The following PTBP3 variants were observed in gnomAD, a reference collection of about 807,000 sequenced individuals.
The protein encoded by PTBP3 is polypyrimidine tract-binding protein 3.
In PTBP3, 20 loss-of-function variants were observed where a neutral mutation model predicts 58.7. That is an observed-to-expected ratio of 0.34 (90% CI 0.24 to 0.50). PTBP3 has a LOEUF of 0.50. PTBP3 is among the 20% of genes least tolerant of loss of function. PTBP3 has a pLI of 0.98. For synonymous variants in PTBP3, 185 were observed against 219.8 expected, an observed-to-expected ratio of 0.84 and a Z score of 1.40; for missense variants, 509 against 637.2, an observed-to-expected ratio of 0.80 and a Z score of 2.17.
intron 1 of PTBP3, among the ~76,000 whole-genome samples, chr9:112,307,143 A>G (rs1829254652): frequency 6.6e-6 from 1 of 152,210 alleles, no homozygotes; most frequent in South Asian, 2.1e-4. Flanking sequence ...CTTATTACAC[A>G]TCAAGAACAA....
chr9:112,322,664 TTTA>T (rs1830002283), intron 1 of PTBP3, among the ~76,000 whole-genome samples: 1 of 152,188 alleles, frequency 6.6e-6, no homozygotes, highest in South Asian at 2.1e-4. Context: ...ACAAGGTGTG[TTTA>T]AACCTTTTAA....
chr9:112,319,082 A>ACC, intron 1 of PTBP3, among the ~76,000 whole-genome samples: 1 of 150,350 alleles, frequency 6.7e-6, no homozygotes, highest in East Asian at 2.0e-4. Context: ...AGCCGAGATC[A>ACC]TGCCATTGCA....
upstream of PTBP3, among the ~76,000 whole-genome samples, chr9:112,336,184 A>G (rs1830575199): frequency 6.6e-6 from 1 of 152,106 alleles, no homozygotes; most frequent in East Asian, 1.9e-4. Flanking sequence ...TCATAATTTC[A>G]TTTCATAATT....
rs73537727 is a variant in PTBP3, at chr9:112,253,581, T to C, written c.517-793A>G. 6.6e-3 allele frequency among the ~76,000 whole-genome samples: 1,008 copies of C among 152,320 alleles called. 14 individuals carry two copies. Among genetic ancestry groups the C allele is most frequent in the African/African-American group, 0.023 (948 of 41,570 alleles). On this transcript the variant is annotated intron_variant, in intron 5 of 13. Transcript: ENST00000374257. ...AACATATTTAGTTTTACTCTGTTGATATGGTTTGGCTCTGTGTCACCACCC... is the reference window on the plus strand; with the variant it reads ...AACATATTTAGTTTTACTCTGTTGACATGGTTTGGCTCTGTGTCACCACCC...
chr9:112,280,689 T>C (rs559606467), intron 2 of PTBP3, among the ~76,000 whole-genome samples: 29 of 152,290 alleles, frequency 1.9e-4, no homozygotes, highest in Middle Eastern at 3.4e-3. Flanking sequence ...GTAAGCACTT[T>C]GTAGAAACCC....
At chr9:112,346,228 C>T in the PTBP3 span, among the ~76,000 whole-genome samples, 3 of 152,034 alleles carry the variant, frequency 2.0e-5, no homozygotes, top group Admixed American at 6.6e-5. Flanking sequence ...AGTGCAGTGG[C>T]GTGATCTCAG....
chr9:112,268,452 T>C (rs539304616), intron 3 of PTBP3, among the ~76,000 whole-genome samples: 31 of 152,098 alleles, frequency 2.0e-4, no homozygotes, highest in Non-Finnish European at 3.7e-4. Flanking sequence ...CCAGCTACTT[T>C]GGGAAGACAA....
At chr9:112,281,354 T>C (rs887398140) in intron 2 of PTBP3, 1 of 152,714 alleles carries the variant, frequency 6.5e-6, no homozygotes, top group Admixed American at 6.5e-5. Context: ...TTCGTTCTAC[T>C]CTTTTCAACC....
chr9:112,351,973 C>G, the PTBP3 span, among the ~76,000 whole-genome samples: 1 of 151,412 alleles, frequency 6.6e-6, no homozygotes, highest in Non-Finnish European at 1.5e-5. Context: ...TCCCCCAAGA[C>G]AGAGTCTCAC....
At chr9:112,333,783 C>T (rs1830494106), upstream of PTBP3, 1 of 266,538 alleles carries the variant, frequency 3.8e-6, no homozygotes. Context: ...CGCTGGCAGC[C>T]GGCCTCCGGC....
chr9:112,374,933 T>TC, the PTBP3 span, among the ~76,000 whole-genome samples: 2 of 152,206 alleles, frequency 1.3e-5, no homozygotes, highest in Non-Finnish European at 2.9e-5. Context: ...TATTGAGGGC[T>TC]CAGTGTTGGT....
At chr9:112,272,125 T>C (rs563004595) in intron 3 of PTBP3, among the ~76,000 whole-genome samples, 1 of 152,196 alleles carries the variant, frequency 6.6e-6, no homozygotes, top group South Asian at 2.1e-4. Context: ...CGCAGTGGCG[T>C]GATCTCAGCT....
upstream of PTBP3, among the ~76,000 whole-genome samples, chr9:112,337,665 T>A (rs1211414892): frequency 6.6e-6 from 1 of 152,250 alleles, no homozygotes. Flanking sequence ...TAGTTTATAA[T>A]TTTTCTAACA....
intron 7 of PTBP3, among the ~76,000 whole-genome samples, chr9:112,249,164 G>C (rs1199137967): frequency 6.6e-6 from 1 of 152,106 alleles, no homozygotes; most frequent in Middle Eastern, 3.2e-3. Context: ...AAAAGCAAGA[G>C]AATAATTATC....
At chr9:112,293,456 T>C (rs1389863969) in intron 2 of PTBP3, among the ~76,000 whole-genome samples, 1 of 152,212 alleles carries the variant, frequency 6.6e-6, no homozygotes, top group Non-Finnish European at 1.5e-5. Flanking sequence ...TGAATGCATA[T>C]GTGATTGAGT....
intron 1 of PTBP3, chr9:112,298,606 T>C (rs1368136709): frequency 4.0e-6 from 2 of 501,674 alleles, no homozygotes; most frequent in Admixed American, 4.2e-5. Context: ...AACCAACCTA[T>C]TTTAAATAGT....
chr9:112,281,551 G>T (rs1827867985), intron 2 of PTBP3, among the ~76,000 whole-genome samples: 1 of 152,154 alleles, frequency 6.6e-6, no homozygotes, highest in Non-Finnish European at 1.5e-5. Context: ...TCCTGCAGCA[G>T]CATAATACTG....
At chr9:112,262,655 C>A in intron 4 of PTBP3, 56 bp from the exon 5 acceptor site, 3 of 1,439,768 alleles carry the variant, frequency 2.1e-6, no homozygotes, top group South Asian at 1.5e-5. Flanking sequence ...TATATGAATC[C>A]TAAAATTTAG....
the PTBP3 span, among the ~76,000 whole-genome samples, chr9:112,348,466 A>G: frequency 3.3e-5 from 5 of 152,196 alleles, no homozygotes; most frequent in South Asian, 2.1e-4. Context: ...CTGGTAAGGG[A>G]AAAAAATGCC....
Sources: gnomAD v4.1 joint callset for allele counts (sites outside exome capture counted in the v4.1 genomes callset) on GRCh38, gnomAD v4.1.1 for gene constraint, MANE v1.5 for transcripts, NCBI Gene and HGNC (gene_info 2026-07-23, HGNC 2026-07-21) for gene names.